Variants in PCDHA1 observed in about 807,000 individuals in gnomAD.
The protein encoded by PCDHA1 is protocadherin alpha 1.
Under a neutral mutation model 61.3 loss-of-function variants are expected in PCDHA1, and 42 were observed. That is an observed-to-expected ratio of 0.69 (90% CI 0.54 to 0.89). The LOEUF (loss-of-function observed/expected upper bound fraction) is 0.89, where lower values mean the gene tolerates loss of function less well. Ranked by LOEUF, PCDHA1 falls within the 40% of genes least tolerant of loss-of-function variation. The probability of loss-of-function intolerance (pLI) is 0.00; values close to 1 mark genes in which losing one functional copy is unlikely to be tolerated. For synonymous variants in PCDHA1, 610 were observed against 553.8 expected (o/e 1.10, Z -1.43); for missense variants, 1,256 against 1,235.3 (o/e 1.02, Z -0.25).
Position 140,838,640 on chromosome 5 carries a change from A to G in PCDHA1, c.2394+49956A>G, listed in dbSNP as rs1775814503. On this transcript the variant is annotated intron_variant, in intron 1 of 3. Coordinates refer to ENST00000504120, the MANE Select transcript of PCDHA1 (RefSeq NM_018900.4). ...TTTTTACAAATAATTTGGTTGGTCAAAAAAATGATAGTTAACGGGGCATGG... is the reference window on the plus strand; with the variant it reads ...TTTTTACAAATAATTTGGTTGGTCAGAAAAATGATAGTTAACGGGGCATGG... Among the ~76,000 whole-genome samples, 5 of 152,166 alleles carry G rather than the reference A, an allele frequency of 3.3e-5. 1 individual carries two copies. In the South Asian group the frequency reaches 8.3e-4, roughly 25 times the overall value.
rs2047281878 is a variant in PCDHA1, at chr5:140,862,273, A to T, written c.2394+73589A>T. On this transcript the variant is annotated intron_variant, in intron 1 of 3. Coordinates refer to ENST00000504120, the MANE Select transcript of PCDHA1 (RefSeq NM_018900.4). ...CCAGAGTTAGCAGTAAGTCACTATC[A>T]TTCCCTGTACAGGAGGACGCTCCAC... The T allele has an allele frequency of 1.2e-5, 3 of 240,916 alleles. No individual in the cohort carries two copies. In the South Asian group the frequency reaches 1.9e-4, roughly 15 times the overall value. 14.9% of individuals were successfully genotyped at this position (240,916 alleles called of 1,614,324 possible).
intron 1 of PCDHA1, chr5:140,807,679 G>C: frequency 6.2e-7 from 1 of 1,614,236 alleles, no homozygotes. Context: ...ATATCGGGGA[G>C]AACGCCCTGC....
chr5:140,881,106 C>T (rs1233394839), intron 1 of PCDHA1, among the ~76,000 whole-genome samples: 1 of 152,114 alleles, frequency 6.6e-6, no homozygotes, highest in Non-Finnish European at 1.5e-5. Context: ...CACCATTTGG[C>T]CTGGGATTTT....
intron 1 of PCDHA1, chr5:140,830,680 T>C (rs2150188813): frequency 4.9e-5 from 17 of 346,496 alleles, no homozygotes; most frequent in African/African-American, 3.6e-4. Context: ...TAGAAATCAC[T>C]GTCCACAATC....
At chr5:140,867,151 A>G (rs1437256888) in intron 1 of PCDHA1, 1 of 152,150 alleles carries the variant, frequency 6.6e-6, no homozygotes, top group Non-Finnish European at 1.5e-5. Context: ...ATTTTTCCAG[A>G]GTAAACCTTC....
At chr5:140,923,752 G>A (rs1004241488) in intron 1 of PCDHA1, among the ~76,000 whole-genome samples, 1 of 152,186 alleles carries the variant, frequency 6.6e-6, no homozygotes, top group Non-Finnish European at 1.5e-5. Context: ...GAGGCATATG[G>A]TGGGACAAAT....
chr5:140,788,468 G>T lies in PCDHA1; in HGVS notation c.2178G>T (p.Pro726=). The stretch of plus-strand genomic sequence containing the variant: ...ACACGGCGCTGCGGTGCTCAGTGCC[G>T]CCCACTGAGGGTGCGTATGTGCCGG... ...LLYTALRCSV[P]PTEGAYVPGK... is the part of the protein sequence containing the mutation. Residue 726 remains proline, a synonymous_variant, in exon 1 of 4, where the codon CCG becomes CCT. Transcript: ENST00000504120. 1 of 1,614,106 alleles carries T rather than the reference G, an allele frequency of 6.2e-7. No individual in the cohort carries two copies. Among genetic ancestry groups the T allele is most frequent in the Non-Finnish European group, 8.5e-7 (1 of 1,180,000 alleles).
chr5:140,942,206 T>G (rs916002360), intron 1 of PCDHA1, among the ~76,000 whole-genome samples: 1 of 152,152 alleles, frequency 6.6e-6, no homozygotes, highest in African/African-American at 2.4e-5. Context: ...TTTTTGAGCA[T>G]AAGATATTTA....
Position 140,843,432 on chromosome 5 carries a change from T to C in PCDHA1, c.2394+54748T>C. The C allele has an allele frequency of 3.1e-6, 5 of 1,596,056 alleles. 1 individual carries two copies. The highest frequency in any genetic ancestry group is 4.3e-6 in the Non-Finnish European group (5 of 1,165,572). ...GTCAACGTGTACCTGATCATCGCCA[T>C]CTGCGCGGTATCCAGCCTGCTGGTG... On this transcript the variant is annotated intron_variant, in intron 1 of 3. Coordinates refer to ENST00000504120, the MANE Select transcript of PCDHA1 (RefSeq NM_018900.4).
intron 1 of PCDHA1, chr5:140,869,562 A>C: frequency 2.5e-6 from 4 of 1,614,168 alleles, no homozygotes. Flanking sequence ...CGCGTTTTCC[A>C]CTAGAGGGAG....
At chr5:140,874,672 C>A (rs2055057233) in intron 1 of PCDHA1, among the ~76,000 whole-genome samples, 1 of 152,126 alleles carries the variant, frequency 6.6e-6, no homozygotes, top group South Asian at 2.1e-4. Flanking sequence ...GAATCTATTC[C>A]TGAGATTTGT....
intron 1 of PCDHA1, chr5:140,824,194 C>T (rs1389599382): frequency 3.7e-6 from 6 of 1,601,264 alleles, no homozygotes; most frequent in Non-Finnish European, 5.1e-6. Context: ...TCACATTCAC[C>T]CACTTTTTTT....
rs142150910 is a variant in PCDHA1, at chr5:140,945,405, C to T, written c.2395-33544C>T. ...AGCAATATACAAATTCAATACAATTCGTATCAAAATTTCAATGAAGTTTTT... is the reference window on the plus strand; with the variant it reads ...AGCAATATACAAATTCAATACAATTTGTATCAAAATTTCAATGAAGTTTTT... On this transcript the variant is annotated intron_variant, in intron 1 of 3. Transcript: ENST00000504120. Among the ~76,000 whole-genome samples, 454 of 152,016 alleles carry T rather than the reference C, an allele frequency of 3.0e-3. 3 individuals are homozygous for T. Among genetic ancestry groups the T allele is most frequent in the African/African-American group, 9.6e-3 (400 of 41,488 alleles).
intron 3 of PCDHA1, among the ~76,000 whole-genome samples, chr5:140,996,349 A>G (rs2097722990): frequency 6.6e-6 from 1 of 152,184 alleles, no homozygotes; most frequent in African/African-American, 2.4e-5. Flanking sequence ...AACCCAACCA[A>G]AGTCAGAAGC....
chr5:140,808,955 G>C, intron 1 of PCDHA1: 1 of 1,613,590 alleles, frequency 6.2e-7, no homozygotes, highest in Non-Finnish European at 8.5e-7. Context: ...TGTGGGCCAC[G>C]TGGTGGCAAA....
At chr5:140,870,441 C>T in intron 1 of PCDHA1, 2 of 1,614,224 alleles carry the variant, frequency 1.2e-6, no homozygotes, top group South Asian at 1.1e-5. Context: ...AGGTGGCCGA[C>T]GTGAACGACA....
chr5:140,955,932 A>T (rs907189668), intron 1 of PCDHA1, among the ~76,000 whole-genome samples: 2 of 152,106 alleles, frequency 1.3e-5, no homozygotes, highest in Non-Finnish European at 2.9e-5. Flanking sequence ...GTTCATTCAT[A>T]ATATGGCTGT....
intron 1 of PCDHA1, chr5:140,863,417 G>C: frequency 7.1e-6 from 5 of 701,160 alleles, no homozygotes; most frequent in African/African-American, 1.8e-5. Context: ...CTGGTGTACC[G>C]CAGCGTAGTG....
rs2150466596 is a variant in PCDHA1 at position 140,850,091 on chromosome 5, G to A, written c.2394+61407G>A. 5 of 1,596,604 alleles carry A rather than the reference G, an allele frequency of 3.1e-6. No individual in the cohort carries two copies. In the African/African-American group the frequency reaches 5.4e-5, roughly 17 times the overall value. On this transcript the variant is annotated intron_variant, in intron 1 of 3. Coordinates refer to ENST00000504120, the MANE Select transcript of PCDHA1 (RefSeq NM_018900.4). ...ACCACGAGGAGCTGGAGCTGCTACA[G>A]TTCCAGGTGAGCGCGCGCGACGCGG...
Sources: gnomAD v4.1 joint callset for allele counts (sites outside exome capture counted in the v4.1 genomes callset) on GRCh38, gnomAD v4.1.1 for gene constraint, MANE v1.5 for transcripts, NCBI Gene and HGNC (gene_info 2026-07-23, HGNC 2026-07-21) for gene names.